The following ESYT2 variants were observed in gnomAD, a reference collection of about 807,000 sequenced individuals.
ESYT2 encodes extended synaptotagmin 2.
A neutral mutation model predicts 107.2 loss-of-function variants in ESYT2; 54 were observed. The ratio of observed to expected loss-of-function variants is 0.50; its 90% CI spans 0.40 to 0.63. ESYT2 has a LOEUF of 0.63. Among genes scored for constraint, ESYT2 ranks in the 30% least tolerant of loss-of-function variants. The probability of loss-of-function intolerance (pLI) is 0.00; values close to 1 mark genes in which losing one functional copy is unlikely to be tolerated. For missense variants in ESYT2, 1,020 were observed against 1,094.5 expected, an observed-to-expected ratio of 0.93 and a Z score of 0.96; for synonymous variants, 491 against 434.1, an observed-to-expected ratio of 1.13 and a Z score of -1.63.
At chr7:158,766,866 C>T (rs928280878) in intron 8 of ESYT2, among the ~76,000 whole-genome samples, 1 of 152,188 alleles carries the variant, frequency 6.6e-6, no homozygotes, top group Non-Finnish European at 1.5e-5. Flanking sequence ...GGATCTAACA[C>T]CTGAGTGACT....
chr7:158,745,811 A>G (rs779017554), intron 16 of ESYT2, among the ~76,000 whole-genome samples: 2 of 152,244 alleles, frequency 1.3e-5, no homozygotes, highest in Non-Finnish European at 2.9e-5. Context: ...AGGAGACATC[A>G]ACGACAAGTC....
rs113009740 is a variant in ESYT2, at chr7:158,748,050, C to T, written c.1644+144G>A. The T allele has an allele frequency of 1.6e-3, 1,063 of 682,882 alleles. 7 individuals are homozygous for T. In the African/African-American group the frequency reaches 0.018, roughly 11 times the overall value. The allele number at this position is 682,882 out of a possible 1,614,324, so 42.3% of individuals were successfully genotyped here. On this transcript the variant is annotated intron_variant, in intron 16 of 22. Coordinates refer to ENST00000275418, the MANE Select transcript of ESYT2 (RefSeq NM_001367773.1). The stretch of plus-strand genomic sequence containing the variant: ...TGTGTTTGCCTGGGGCTAGGGGAGG[C>T]CCGGGTTACAGAGAGATCTACCAAT...
chr7:158,736,301 TGAG>T (rs766883279), intron 20 of ESYT2, among the ~76,000 whole-genome samples: 1 of 152,188 alleles, frequency 6.6e-6, no homozygotes, highest in Non-Finnish European at 1.5e-5. Context: ...GTACAATGAA[TGAG>T]GAGGATGTTT....
intron 16 of ESYT2, among the ~76,000 whole-genome samples, chr7:158,746,150 G>C (rs1053317767): frequency 1.3e-5 from 2 of 152,026 alleles, no homozygotes; most frequent in South Asian, 2.1e-4. Context: ...AGAGGCCAAG[G>C]TGGATAGATG....
intron 1 of ESYT2, among the ~76,000 whole-genome samples, chr7:158,809,725 G>C (rs1276361773): frequency 6.6e-6 from 1 of 152,208 alleles, no homozygotes; most frequent in Non-Finnish European, 1.5e-5. Flanking sequence ...TCAGCCTGAA[G>C]GTTTCCTAAC....
intron 1 of ESYT2, among the ~76,000 whole-genome samples, chr7:158,810,817 G>A (rs1279252314): frequency 6.6e-6 from 1 of 152,182 alleles, no homozygotes; most frequent in Non-Finnish European, 1.5e-5. Context: ...AGGGAGAGCA[G>A]TGGAGGGGTC....
chr7:158,781,611 G>A (rs1010833103), intron 6 of ESYT2, among the ~76,000 whole-genome samples: 1 of 117,770 alleles, frequency 8.5e-6, no homozygotes, highest in Non-Finnish European at 2.0e-5. Flanking sequence ...GAGAACAAGT[G>A]TGAATGAACG....
intron 1 of ESYT2, among the ~76,000 whole-genome samples, chr7:158,819,081 A>G (rs1563041343): frequency 1.3e-5 from 2 of 152,252 alleles, no homozygotes; most frequent in Non-Finnish European, 2.9e-5. Context: ...GCAAACTTTA[A>G]TATACCAACA....
chr7:158,783,006 A>T (rs187266432), intron 6 of ESYT2, among the ~76,000 whole-genome samples: 158 of 152,336 alleles, frequency 1.0e-3, no homozygotes, highest in African/African-American at 3.7e-3. Context: ...TGGAAAAGCA[A>T]CTAAAATCAG....
chr7:158,748,006 C>T (rs986170964), intron 16 of ESYT2, among the ~76,000 whole-genome samples, 188 bp downstream of exon 16: 1 of 152,210 alleles, frequency 6.6e-6, no homozygotes. Context: ...CAGTAATCTA[C>T]AGTGACCAAA....
At chr7:158,777,262 G>C (rs546168564) in intron 6 of ESYT2, among the ~76,000 whole-genome samples, 1 of 152,268 alleles carries the variant, frequency 6.6e-6, no homozygotes, top group Admixed American at 6.5e-5. Context: ...TTGTGTCTCA[G>C]GGAATAGGGA....
intron 6 of ESYT2, among the ~76,000 whole-genome samples, chr7:158,782,480 TGA>T (rs869243708): frequency 0.05 from 2,331 of 47,052 alleles, 1 homozygote; most frequent in Non-Finnish European, 0.068. Flanking sequence ...GTGAGAACAG[TGA>T]GAGGTGTGTG....
At chr7:158,739,824 G>A (rs772629637) in intron 18 of ESYT2, among the ~76,000 whole-genome samples, 1 of 152,018 alleles carries the variant, frequency 6.6e-6, no homozygotes, top group Non-Finnish European at 1.5e-5. Context: ...TGCAACAACC[G>A]ACTGGCATTA....
intron 13 of ESYT2, among the ~76,000 whole-genome samples, chr7:158,758,758 C>T (rs533087388): frequency 2.4e-4 from 37 of 152,334 alleles, no homozygotes; most frequent in African/African-American, 8.2e-4. Context: ...GACCACACCA[C>T]TATCCTCACT....
At chr7:158,825,482 TGAA>T (rs904654401) in intron 1 of ESYT2, among the ~76,000 whole-genome samples, 1 of 152,124 alleles carries the variant, frequency 6.6e-6, no homozygotes, top group Non-Finnish European at 1.5e-5. Flanking sequence ...GGAAAAGAAG[TGAA>T]GAATAACAAC....
rs1354821549 is a variant in ESYT2 at position 158,734,579 on chromosome 7, A to T, written c.2506-108T>A. On this transcript the variant is annotated intron_variant, in intron 21 of 22. Coordinates refer to ENST00000275418, the MANE Select transcript of ESYT2 (RefSeq NM_001367773.1). ...CAAGATGGGAGGATCTCTTAAGCCC[A>T]AGAGTTTGAGACCAGCCTGGGCAAG... 6.0e-6 allele frequency: 6 copies of T among 1,004,610 alleles called. No homozygotes were observed. In the East Asian group the frequency reaches 1.5e-4, roughly 24 times the overall value. 62.2% of individuals were successfully genotyped at this position (1,004,610 alleles called of 1,614,324 possible). A position where few individuals can be genotyped will look rare whatever the true frequency, so the allele number is the denominator to read the frequency against.
At chr7:158,802,382 GT>G (rs1339640086) in intron 1 of ESYT2, among the ~76,000 whole-genome samples, 1 of 152,160 alleles carries the variant, frequency 6.6e-6, no homozygotes, top group Non-Finnish European at 1.5e-5. Context: ...CTCCTCCCGG[GT>G]TCAAGCAATT....
intron 13 of ESYT2, among the ~76,000 whole-genome samples, chr7:158,758,380 C>T (rs1000924637): frequency 6.6e-6 from 1 of 152,154 alleles, no homozygotes; most frequent in African/African-American, 2.4e-5. Context: ...AACTATGAAG[C>T]GTAGTCTGAC....
intron 14 of ESYT2, among the ~76,000 whole-genome samples, chr7:158,752,045 C>G (rs1837604979): frequency 6.6e-6 from 1 of 152,076 alleles, no homozygotes. Flanking sequence ...CTCATTTTTT[C>G]CAGATGAGAC....
Sources: gnomAD v4.1 joint callset for allele counts (sites outside exome capture counted in the v4.1 genomes callset) on GRCh38, gnomAD v4.1.1 for gene constraint, MANE v1.5 for transcripts, NCBI Gene and HGNC (gene_info 2026-07-23, HGNC 2026-07-21) for gene names.